NRG3: variants seen among roughly 807,000 people sequenced by gnomAD.
The protein encoded by NRG3 is pro-neuregulin-3, membrane-bound isoform.
NRG3 carries 31 observed loss-of-function variants against 66.9 expected under a neutral mutation model. The ratio of observed to expected loss-of-function variants is 0.46; its 90% CI spans 0.35 to 0.63. NRG3 has a LOEUF of 0.63. NRG3 is among the 20% of genes least tolerant of loss of function. The pLI is 0.00. For synonymous variants in NRG3, 393 were observed against 359.4 expected, an observed-to-expected ratio of 1.09 and a Z score of -1.06; for missense variants, 910 against 878.9, an observed-to-expected ratio of 1.04 and a Z score of -0.45.
At chr10:82,470,604 A>G (rs970983463) in intron 2 of NRG3, among the ~76,000 whole-genome samples, 1 of 152,222 alleles carries the variant, frequency 6.6e-6, no homozygotes, top group Non-Finnish European at 1.5e-5. Context: ...AAGAAAGCTG[A>G]TAAGCTGGAG....
chr10:81,910,275 A>T (rs927383790), intron 1 of NRG3, among the ~76,000 whole-genome samples: 5 of 152,190 alleles, frequency 3.3e-5, no homozygotes, highest in Admixed American at 2.0e-4. Flanking sequence ...CTTGCAGAGA[A>T]GAGTAAAGAG....
chr10:82,448,737 G>A (rs1461650375), intron 2 of NRG3, among the ~76,000 whole-genome samples: 1 of 151,910 alleles, frequency 6.6e-6, no homozygotes, highest in Admixed American at 6.6e-5. Flanking sequence ...AACTTTTATT[G>A]CACTTAATTA....
intron 4 of NRG3, among the ~76,000 whole-genome samples, chr10:82,897,924 T>C (rs1358014637): frequency 6.6e-6 from 1 of 152,200 alleles, no homozygotes; most frequent in Non-Finnish European, 1.5e-5. Flanking sequence ...AATTATATAT[T>C]GAGTAGGATA....
At chr10:81,938,581 C>T (rs78912517) in intron 1 of NRG3, among the ~76,000 whole-genome samples, 2,017 of 149,656 alleles carry the variant, frequency 0.013, 52 homozygotes, top group African/African-American at 0.046. Context: ...TGATTTTGTA[C>T]GCTGCAACTT....
intron 1 of NRG3, among the ~76,000 whole-genome samples, chr10:82,264,908 A>T: frequency 6.6e-6 from 1 of 152,288 alleles, no homozygotes; most frequent in East Asian, 1.9e-4. Context: ...GAGGGAAGTG[A>T]GCCAGTGAGT....
chr10:82,389,866 A>G (rs1482018327), intron 2 of NRG3, among the ~76,000 whole-genome samples: 1 of 152,216 alleles, frequency 6.6e-6, no homozygotes, highest in Non-Finnish European at 1.5e-5. Flanking sequence ...ATTAACACGT[A>G]TGATAACTCT....
chr10:82,787,485 G>T (rs190402497), intron 3 of NRG3, among the ~76,000 whole-genome samples: 1 of 152,278 alleles, frequency 6.6e-6, no homozygotes, highest in East Asian at 1.9e-4. Context: ...AAAAGGAGTA[G>T]AAATTTTCCA....
chr10:82,256,382 T>C (rs1033932202), intron 1 of NRG3, among the ~76,000 whole-genome samples: 1 of 152,198 alleles, frequency 6.6e-6, no homozygotes, highest in Non-Finnish European at 1.5e-5. Context: ...TTTTGAATGC[T>C]TTGTATACTG....
chr10:82,361,057 T>A (rs1303567345), intron 2 of NRG3, among the ~76,000 whole-genome samples: 1 of 152,220 alleles, frequency 6.6e-6, no homozygotes. Context: ...GGAGTTTACT[T>A]CATGTAGGGA....
At chr10:81,878,143 G>A (rs1268628280) in intron 1 of NRG3, 2 of 1,431,042 alleles carry the variant, frequency 1.4e-6, no homozygotes, top group Non-Finnish European at 1.8e-6. Context: ...TCCGTGGACG[G>A]GAATGGCAGC....
At position 81,884,885 on chromosome 10, in the gene NRG3, C is replaced by T. The variant is rs557476709; in HGVS notation, c.823+8722C>T. 2.0e-5 allele frequency among the ~76,000 whole-genome samples: 3 copies of T among 152,248 alleles called. No homozygotes were observed. The South Asian group carries it at 6.2e-4, about 32-fold the overall frequency. On this transcript the variant is annotated intron_variant, in intron 1 of 8. Coordinates refer to ENST00000372141, the MANE Select transcript of NRG3 (RefSeq NM_001010848.4). Reference sequence around the variant, plus strand: ...CAGTCAGGGTACTAAACATATCCATCACCTCCAAAAATTTCCTTGTGTTCT... The same window carrying T: ...CAGTCAGGGTACTAAACATATCCATTACCTCCAAAAATTTCCTTGTGTTCT...
At chr10:82,426,083 C>T (rs1352130247) in intron 2 of NRG3, among the ~76,000 whole-genome samples, 3 of 152,162 alleles carry the variant, frequency 2.0e-5, no homozygotes, top group Admixed American at 1.3e-4. Flanking sequence ...ATACCCAACT[C>T]CAGCCCACTC....
intron 1 of NRG3, among the ~76,000 whole-genome samples, chr10:82,265,735 A>T (rs1280774327): frequency 3.9e-5 from 6 of 152,230 alleles, no homozygotes; most frequent in Non-Finnish European, 8.8e-5. Flanking sequence ...AATCAATGCC[A>T]GATGCCAATA....
At chr10:82,758,183 C>T (rs972820285) in intron 3 of NRG3, among the ~76,000 whole-genome samples, 4 of 152,042 alleles carry the variant, frequency 2.6e-5, no homozygotes, top group Admixed American at 1.3e-4. Context: ...CCTTTATGCT[C>T]CAGTAACCTC....
intron 1 of NRG3, among the ~76,000 whole-genome samples, chr10:82,116,895 C>T (rs1029450181): frequency 6.6e-6 from 1 of 152,116 alleles, no homozygotes; most frequent in Non-Finnish European, 1.5e-5. Flanking sequence ...ACATCCATGA[C>T]CTGGAGCTTT....
intron 2 of NRG3, among the ~76,000 whole-genome samples, chr10:82,396,575 A>G (rs774611053): frequency 9.2e-5 from 14 of 152,220 alleles, no homozygotes; most frequent in Non-Finnish European, 1.8e-4. Context: ...CCAATCGCTG[A>G]CTGACTTAGA....
chr10:82,146,136 C>A (rs1490601490), intron 1 of NRG3, among the ~76,000 whole-genome samples: 1 of 152,088 alleles, frequency 6.6e-6, no homozygotes, highest in Non-Finnish European at 1.5e-5. Context: ...CAGTATTAAC[C>A]ATCCAATGCA....
At chr10:82,229,851 C>G (rs2076365181) in intron 1 of NRG3, among the ~76,000 whole-genome samples, 1 of 151,862 alleles carries the variant, frequency 6.6e-6, no homozygotes, top group Non-Finnish European at 1.5e-5. Flanking sequence ...AATGTTACAT[C>G]CAAAGTTACA....
chr10:81,947,708 T>C (rs187174298), intron 1 of NRG3, among the ~76,000 whole-genome samples: 54 of 152,166 alleles, frequency 3.5e-4, no homozygotes, highest in African/African-American at 1.3e-3. Context: ...GATTTCCACC[T>C]TTGCACACCT....
Sources: gnomAD v4.1 joint callset for allele counts (sites outside exome capture counted in the v4.1 genomes callset) on GRCh38, gnomAD v4.1.1 for gene constraint, MANE v1.5 for transcripts, NCBI Gene and HGNC (gene_info 2026-07-23, HGNC 2026-07-21) for gene names.